PDE1B: variants seen among roughly 807,000 people sequenced by gnomAD.
The protein encoded by PDE1B is phosphodiesterase 1B.
In PDE1B, 13 loss-of-function variants were observed where a neutral mutation model predicts 66.7. The ratio of observed to expected loss-of-function variants is 0.19; its 90% CI spans 0.13 to 0.31. The LOEUF is 0.31. Ranked by LOEUF, PDE1B falls within the 10% of genes least tolerant of loss-of-function variation. PDE1B has a pLI of 1.00. For synonymous variants in PDE1B, 230 were observed against 253.9 expected (o/e 0.91, Z 0.90); for missense variants, 485 against 682.3 (o/e 0.71, Z 3.22).
intron 6 of PDE1B, 28 bp from the exon 7 acceptor site, chr12:54,572,573 T>A: frequency 6.2e-7 from 1 of 1,607,116 alleles, no homozygotes; most frequent in Non-Finnish European, 8.5e-7. Context: ...ATCCTTGATA[T>A]ATCTCCATTT....
intron 2 of PDE1B, among the ~76,000 whole-genome samples, chr12:54,556,463 A>G (rs997372376): frequency 6.6e-6 from 1 of 152,130 alleles, no homozygotes; most frequent in African/African-American, 2.4e-5. Flanking sequence ...GTGCCCTAGT[A>G]TCCCCCAGTC....
intron 2 of PDE1B, among the ~76,000 whole-genome samples, chr12:54,557,063 G>A (rs1237263867): frequency 6.6e-6 from 1 of 152,120 alleles, no homozygotes; most frequent in Non-Finnish European, 1.5e-5. Context: ...ACCTTGTTTG[G>A]AAACTTCTTG....
intron 2 of PDE1B, among the ~76,000 whole-genome samples, chr12:54,562,683 C>T (rs4016629): frequency 6.6e-6 from 1 of 152,094 alleles, no homozygotes; most frequent in African/African-American, 2.4e-5. Flanking sequence ...TAAGAGAGGG[C>T]CCTGGCAGGC....
intron 6 of PDE1B, chr12:54,570,649 T>C (rs772886368): frequency 1.1e-5 from 4 of 348,100 alleles, no homozygotes; most frequent in Non-Finnish European, 2.2e-5. Flanking sequence ...CTAGGCTGAC[T>C]TGCAGTGTGG....
At chr12:54,553,677 T>C (rs544019845) in intron 2 of PDE1B, among the ~76,000 whole-genome samples, 3 of 152,224 alleles carry the variant, frequency 2.0e-5, no homozygotes, top group Non-Finnish European at 4.4e-5. Flanking sequence ...TCCGTGTTTG[T>C]TGAGTGGCGG....
At chr12:54,574,546 A>G (rs1957693963) in intron 10 of PDE1B, 1 of 152,760 alleles carries the variant, frequency 6.5e-6, no homozygotes, top group Non-Finnish European at 1.5e-5. Flanking sequence ...TGTGGTAGGT[A>G]TAGACGTGAA....
intron 2 of PDE1B, among the ~76,000 whole-genome samples, chr12:54,564,386 C>G (rs897668999): frequency 6.6e-6 from 1 of 150,664 alleles, no homozygotes; most frequent in African/African-American, 2.4e-5. Context: ...AATCCCAGCA[C>G]TTTGGGAGGA....
At chr12:54,563,925 T>C (rs879748381) in intron 2 of PDE1B, among the ~76,000 whole-genome samples, 1 of 152,060 alleles carries the variant, frequency 6.6e-6, no homozygotes, top group Non-Finnish European at 1.5e-5. Context: ...AAGCTGAGGA[T>C]TGCTTAAGCC....
Position 54,575,119 on chromosome 12 carries a change from G to C in PDE1B, c.1086G>C (p.Leu362=). Residue 362 remains leucine (L), a synonymous_variant, in exon 11 of 16, where the codon CTG becomes CTC. Coordinates refer to ENST00000243052, the MANE Select transcript of PDE1B (RefSeq NM_000924.4). The surrounding 1 kb of genome is among the most constrained non-coding windows in gnomAD (Gnocchi z 4.0). ...QLERIDKPKA[L]SLLLHAADIS... ...CCAGGATTGACAAGCCCAAGGCCCTGTCTCTACTGCTCCATGCTGCTGACA... is the reference window on the plus strand; with the variant it reads ...CCAGGATTGACAAGCCCAAGGCCCTCTCTCTACTGCTCCATGCTGCTGACA... The C allele has an allele frequency of 6.2e-7, 1 of 1,613,964 alleles. No homozygotes were observed. Among genetic ancestry groups the C allele is most frequent in the Non-Finnish European group, 8.5e-7 (1 of 1,179,928 alleles).
chr12:54,577,830 G>T, intron 15 of PDE1B, 30 bp from the exon 16 acceptor site: 1 of 339,508 alleles, frequency 2.9e-6, no homozygotes, highest in Non-Finnish European at 5.3e-6. Flanking sequence ...GCAAAGCTCA[G>T]GGCACTGAAG....
intron 2 of PDE1B, among the ~76,000 whole-genome samples, chr12:54,551,564 G>A (rs1211971910): frequency 3.3e-5 from 5 of 152,178 alleles, no homozygotes; most frequent in Admixed American, 1.3e-4. Context: ...AGGGCCCCAG[G>A]TCCATAAATG....
intron 2 of PDE1B, among the ~76,000 whole-genome samples, chr12:54,553,452 G>A (rs1482957869): frequency 1.3e-5 from 2 of 152,180 alleles, no homozygotes; most frequent in Non-Finnish European, 2.9e-5. Context: ...GTTCTATGCT[G>A]TGGTTCAAGG....
At position 54,575,392 on chromosome 12, in the gene PDE1B, T is replaced by C. The variant is rs1957716558; in HGVS notation, c.1186-159T>C. The C allele has an allele frequency of 1.3e-6, 1 of 767,664 alleles. No homozygotes were observed. The highest frequency in any genetic ancestry group is 2.3e-6 in the Non-Finnish European group (1 of 439,982). 47.6% of individuals were successfully genotyped at this position (767,664 alleles called of 1,614,324 possible). On this transcript the variant is annotated intron_variant, in intron 11 of 15. Transcript: ENST00000243052. This position sits in a 1 kb window ranked among gnomAD's most constrained non-coding sequence, Gnocchi z 4.0. ...CTAAAAGCCTAACAATAGTTGCATT[T>C]CATTTGCATATATTTCATTTGCATA...
Position 54,573,200 on chromosome 12 carries a change from A to G in PDE1B, c.788A>G (p.His263Arg). Residue 263 changes from histidine (H) to arginine (R), a missense_variant, in exon 8 of 16, where the codon CAT (histidine) becomes CGT (arginine). His to Arg is a conservative substitution (Grantham distance 29, BLOSUM62 0). Transcript: ENST00000243052. The surrounding 1 kb of genome is among the most constrained non-coding windows in gnomAD (Gnocchi z 5.2). Reference protein sequence around the residue: ...LLAIIFAAAIHDYEHTGTTNS... With the variant: ...LLAIIFAAAIRDYEHTGTTNS... ...GCCATCATCTTTGCTGCAGCTATCC[A>G]TGATTATGAGCACACGGGCACTACC... The G allele has an allele frequency of 6.2e-7, 1 of 1,613,998 alleles. No individual in the cohort carries two copies. Among genetic ancestry groups the G allele is most frequent in the Non-Finnish European group, 8.5e-7 (1 of 1,180,000 alleles).
chr12:54,556,930 T>C (rs1957349383), intron 2 of PDE1B, among the ~76,000 whole-genome samples: 1 of 152,102 alleles, frequency 6.6e-6, no homozygotes, highest in African/African-American at 2.4e-5. Flanking sequence ...AGTGATTCTC[T>C]GGCAGGCAGG....
chr12:54,561,623 G>A (rs1392526279), intron 2 of PDE1B: 1 of 1,533,250 alleles, frequency 6.5e-7, no homozygotes, highest in South Asian at 1.2e-5. Context: ...GCCACCTCCA[G>A]GGCCCCATTC....
At chr12:54,577,568 T>C in intron 15 of PDE1B, 1 of 1,522,132 alleles carries the variant, frequency 6.6e-7, no homozygotes, top group African/African-American at 1.4e-5. Flanking sequence ...AGGTACCTTC[T>C]CAGAACAGCA....
chr12:54,557,119 T>A (rs1308815717), intron 2 of PDE1B, among the ~76,000 whole-genome samples: 1 of 152,186 alleles, frequency 6.6e-6, no homozygotes, highest in Non-Finnish European at 1.5e-5. Flanking sequence ...TTGCCAAACT[T>A]CCTAAACCAT....
rs1957806588 is a variant in PDE1B, at chr12:54,578,459, C to G, written c.*617C>G. The G allele has an allele frequency of 6.6e-6, 1 of 152,460 alleles. No individual in the cohort carries two copies. The highest frequency in any genetic ancestry group is 2.1e-4 in the South Asian group (1 of 4,824). The allele number at this position is 152,460 out of a possible 1,614,324, so 9.4% of individuals were successfully genotyped here. ...TCCTCTTCACCCCAGAATTGCGCTG[C>G]TTCAGCCCCATCTCCAGCCTGATCC... On this transcript the variant is annotated 3_prime_UTR_variant, in exon 16 of 16. Coordinates refer to ENST00000243052, the MANE Select transcript of PDE1B (RefSeq NM_000924.4).
Sources: allele counts gnomAD v4.1 joint callset (sites outside exome capture counted in the v4.1 genomes callset), GRCh38; gene constraint gnomAD v4.1.1; non-coding constraint Gnocchi (gnomAD v3.1); transcripts MANE v1.5; gene names NCBI Gene and HGNC (gene_info 2026-07-23, HGNC 2026-07-21).